The following TP53BP1 variants were observed in gnomAD, a reference collection of about 807,000 sequenced individuals.
The protein encoded by TP53BP1 is tumor protein p53 binding protein 1.
In TP53BP1, 61 loss-of-function variants were observed where a neutral mutation model predicts 200.8. That is an observed-to-expected ratio of 0.30 (90% confidence interval 0.25 to 0.38). The LOEUF (loss-of-function observed/expected upper bound fraction) is 0.38, where lower values mean the gene tolerates loss of function less well. Ranked by LOEUF, TP53BP1 falls within the 10% of genes least tolerant of loss-of-function variation. The probability of loss-of-function intolerance (pLI) is 1.00; values close to 1 mark genes in which losing one functional copy is unlikely to be tolerated. For synonymous variants in TP53BP1, 822 were observed against 844.3 expected (o/e 0.97, Z 0.46); for missense variants, 2,144 against 2,371.9 (o/e 0.90, Z 2.00).
intron 23 of TP53BP1, among the ~76,000 whole-genome samples, chr15:43,414,830 G>A (rs950260205): frequency 6.6e-6 from 1 of 151,648 alleles, no homozygotes; most frequent in Non-Finnish European, 1.5e-5. Context: ...CTCAGCCTCC[G>A]GAGAAGCTGG....
intron 23 of TP53BP1, 82 bp downstream of exon 23, chr15:43,415,512 A>G (rs2045244217): frequency 6.8e-7 from 1 of 1,462,250 alleles, no homozygotes; most frequent in Admixed American, 1.7e-5. Flanking sequence ...CCACTGCCAC[A>G]TATTAAGCTC....
At chr15:43,476,108 T>C (rs1016783626) in intron 8 of TP53BP1, among the ~76,000 whole-genome samples, 3 of 151,980 alleles carry the variant, frequency 2.0e-5, no homozygotes, top group Non-Finnish European at 4.4e-5. Context: ...CTACTAAAAA[T>C]ACAAAAATTA....
intron 11 of TP53BP1, among the ~76,000 whole-genome samples, chr15:43,464,949 A>C (rs186535880): frequency 2.0e-5 from 3 of 152,216 alleles, no homozygotes; most frequent in African/African-American, 7.2e-5. Flanking sequence ...AAAAGGAATG[A>C]AATTCTTTTT....
rs1161792918 is a variant in TP53BP1 at position 43,432,430 on chromosome 15, C to T, written c.3439G>A (p.Ala1147Thr). The T allele has an allele frequency of 1.2e-6, 2 of 1,614,050 alleles. No homozygotes were observed. The highest frequency in any genetic ancestry group is 1.7e-5 in the Admixed American group (1 of 60,000). ...RSTNKENPSK[A>T]LIERPSQNNI... ...TTTTGGCTGGGCCTTTCAATCAAGGCCTTACTAGGATTTTCCTTATTAGTA... is the reference window on the plus strand; with the variant it reads ...TTTTGGCTGGGCCTTTCAATCAAGGTCTTACTAGGATTTTCCTTATTAGTA... Residue 1147 changes from alanine to threonine, a missense_variant, in exon 17 of 28, where the codon GCC becomes ACC. This residue lies in a region of TP53BP1 where 1,700 missense variants were observed against 1,710.3 expected (regional missense o/e 0.99). Coordinates refer to ENST00000382044, the MANE Select transcript of TP53BP1 (RefSeq NM_001141980.3).
intron 17 of TP53BP1, among the ~76,000 whole-genome samples, chr15:43,431,140 C>T (rs559293093): frequency 3.5e-4 from 54 of 152,250 alleles, no homozygotes; most frequent in African/African-American, 1.3e-3. Context: ...CTAGCCAGGA[C>T]TAAGAGGGAC....
intron 1 of TP53BP1, among the ~76,000 whole-genome samples, chr15:43,503,713 C>A (rs1031943667): frequency 6.6e-6 from 1 of 152,070 alleles, no homozygotes; most frequent in African/African-American, 2.4e-5. Flanking sequence ...TCTCCTTCCA[C>A]AGATGTCAGG....
intron 3 of TP53BP1, 109 bp from the exon 4 acceptor site, chr15:43,491,862 C>T (rs1198938210): frequency 9.0e-7 from 1 of 1,111,754 alleles, no homozygotes; most frequent in African/African-American, 1.5e-5. Flanking sequence ...AGCACATCAA[C>T]TTTTGAGTGA....
At chr15:43,408,722 A>G (rs750746186) in intron 26 of TP53BP1, 175 bp downstream of exon 26, 73 of 634,242 alleles carry the variant, frequency 1.2e-4, no homozygotes, top group Non-Finnish European at 1.9e-4. Flanking sequence ...TTCCTAGCCA[A>G]TGTAACCTAG....
intron 11 of TP53BP1, among the ~76,000 whole-genome samples, chr15:43,469,488 T>A (rs1417661937): frequency 1.3e-5 from 2 of 152,188 alleles, no homozygotes; most frequent in Non-Finnish European, 2.9e-5. Flanking sequence ...CAGGACCTCC[T>A]GAGGCTGTGT....
chr15:43,457,461 A>T (rs1369978227), intron 11 of TP53BP1, among the ~76,000 whole-genome samples: 2 of 151,946 alleles, frequency 1.3e-5, no homozygotes, highest in African/African-American at 2.4e-5. Flanking sequence ...TTACTTCACG[A>T]TTTCAAAATG....
chr15:43,454,508 C>T (rs1267529282), intron 12 of TP53BP1, among the ~76,000 whole-genome samples: 1 of 145,576 alleles, frequency 6.9e-6, no homozygotes, highest in Non-Finnish European at 1.5e-5. Context: ...GGATTATAGG[C>T]GCCTGCCAGC....
At chr15:43,450,420 G>C (rs1282445313) in intron 12 of TP53BP1, among the ~76,000 whole-genome samples, 1 of 152,148 alleles carries the variant, frequency 6.6e-6, no homozygotes, top group Non-Finnish European at 1.5e-5. Context: ...CCAAAAGTCT[G>C]CCTCTGATAT....
chr15:43,422,888 G>A (rs949071152), intron 18 of TP53BP1, among the ~76,000 whole-genome samples: 9 of 151,626 alleles, frequency 5.9e-5, no homozygotes, highest in African/African-American at 1.9e-4. Context: ...CCAGCTACTT[G>A]GGAGGCTGAG....
At position 43,406,564 on chromosome 15, in the gene TP53BP1, A is replaced by G. The variant is rs1274324639; in HGVS notation, c.*819T>C. On this transcript the variant is annotated 3_prime_UTR_variant, in exon 28 of 28. Transcript: ENST00000382044. ...GTAGTTGTGATGGATCAAATGGCCCACAAAGCCTGAAATATTTACTCTTTG... is the reference window on the plus strand; with the variant it reads ...GTAGTTGTGATGGATCAAATGGCCCGCAAAGCCTGAAATATTTACTCTTTG... The G allele has an allele frequency of 2.2e-6, 1 of 455,872 alleles. No individual in the cohort carries two copies. Among genetic ancestry groups the G allele is most frequent in the East Asian group, 6.9e-5 (1 of 14,402 alleles). The allele number at this position is 455,872 out of a possible 1,614,324, so 28.2% of individuals were successfully genotyped here.
At chr15:43,414,394 C>T (rs776626714) in intron 23 of TP53BP1, among the ~76,000 whole-genome samples, 7 of 152,048 alleles carry the variant, frequency 4.6e-5, no homozygotes, top group Non-Finnish European at 8.8e-5. Flanking sequence ...TTTTAAATAC[C>T]CTGAAACACA....
Position 43,492,464 on chromosome 15 carries a change from C to T in TP53BP1, c.12G>A (p.Glu4=). ...ACTGACTTCCAGTAGGGTCCATCTG[C>T]TCCCCTGGAATGGAATAACAAAAGA... MPG[E]QMDPTGSQLD... Residue 4 remains glutamate (E), a synonymous_variant, in exon 2 of 28, where the codon GAG becomes GAA. Coordinates refer to ENST00000382044, the MANE Select transcript of TP53BP1 (RefSeq NM_001141980.3). The T allele has an allele frequency of 6.2e-7, 1 of 1,613,094 alleles. No homozygotes were observed. The highest frequency in any genetic ancestry group is 8.5e-7 in the Non-Finnish European group (1 of 1,179,390).
intron 4 of TP53BP1, among the ~76,000 whole-genome samples, chr15:43,489,214 CTG>C (rs1342831594): frequency 6.6e-6 from 1 of 152,244 alleles, no homozygotes; most frequent in African/African-American, 2.4e-5. Flanking sequence ...CATTTAACAT[CTG>C]TCTCTCCTAT....
intron 24 of TP53BP1, 53 bp downstream of exon 24, chr15:43,413,066 A>G: frequency 6.4e-7 from 1 of 1,574,696 alleles, no homozygotes; most frequent in Non-Finnish European, 8.7e-7. Context: ...AAGTGACTGG[A>G]AAAGAAAGAA....
At chr15:43,438,302 A>G (rs1316944073) in intron 16 of TP53BP1, 22 bp downstream of exon 16, 1 of 1,608,320 alleles carries the variant, frequency 6.2e-7, no homozygotes, top group East Asian at 2.2e-5. Flanking sequence ...AGCCCAAAAG[A>G]TTCTATAAAA....
Sources: gnomAD v4.1 joint callset for allele counts (sites outside exome capture counted in the v4.1 genomes callset) on GRCh38, gnomAD v4.1.1 for gene constraint, gnomAD v4.1.1 regional missense constraint, MANE v1.5 for transcripts, NCBI Gene and HGNC (gene_info 2026-07-23, HGNC 2026-07-21) for gene names.